The following GRIN2A variants were observed in gnomAD, a reference collection of about 807,000 sequenced individuals.
GRIN2A encodes glutamate ionotropic receptor NMDA type subunit 2A.
GRIN2A carries 22 observed loss-of-function variants against 113.4 expected under a neutral mutation model. The ratio of observed to expected loss-of-function variants is 0.19; its 90% CI spans 0.14 to 0.28. The LOEUF is 0.28. GRIN2A is among the 10% of genes least tolerant of loss of function. The probability of loss-of-function intolerance (pLI) is 1.00; values close to 1 mark genes in which losing one functional copy is unlikely to be tolerated. For synonymous variants in GRIN2A, 827 were observed against 738.4 expected (o/e 1.12, Z -1.94); for missense variants, 1,502 against 1,887.0 (o/e 0.80, Z 3.78).
intron 2 of GRIN2A, among the ~76,000 whole-genome samples, chr16:10,151,559 A>T (rs1438018502): frequency 6.6e-6 from 1 of 152,232 alleles, no homozygotes; most frequent in African/African-American, 2.4e-5. Context: ...TCTCTTTGCT[A>T]TAGGAAAACA....
intron 2 of GRIN2A, among the ~76,000 whole-genome samples, chr16:10,080,546 G>A (rs1392985277): frequency 6.6e-6 from 1 of 152,172 alleles, no homozygotes; most frequent in Admixed American, 6.5e-5. Flanking sequence ...GCTATTCTTG[G>A]AAGCCGAGCA....
rs141655430 is a variant in GRIN2A at position 9,984,197 on chromosome 16, T to A, written c.415-45646A>T. The stretch of plus-strand genomic sequence containing the variant: ...TCCATTTGCATATCTTTAAGAGATG[T>A]TTATTTAACTCATTTGCCCATTTTT... On this transcript the variant is annotated intron_variant, in intron 2 of 12. Coordinates refer to ENST00000330684, the MANE Select transcript of GRIN2A (RefSeq NM_001134407.3). Among the ~76,000 whole-genome samples, 99 of 151,026 alleles carry A rather than the reference T, an allele frequency of 6.6e-4. 1 individual carries two copies. In the East Asian group the frequency reaches 0.018, roughly 27 times the overall value.
intron 3 of GRIN2A, among the ~76,000 whole-genome samples, chr16:9,934,485 A>G (rs1388224624): frequency 2.0e-5 from 3 of 152,070 alleles, no homozygotes; most frequent in Non-Finnish European, 4.4e-5. Flanking sequence ...GTTTGAGACC[A>G]GCCTAGACAA....
At chr16:9,939,619 T>TGG (rs1182236753) in intron 2 of GRIN2A, among the ~76,000 whole-genome samples, 7 of 152,172 alleles carry the variant, frequency 4.6e-5, no homozygotes, top group Non-Finnish European at 8.8e-5. Context: ...ATCCCCATAA[T>TGG]GATCCTACAA....
At chr16:9,979,523 G>C (rs1028048123) in intron 2 of GRIN2A, among the ~76,000 whole-genome samples, 1 of 152,000 alleles carries the variant, frequency 6.6e-6, no homozygotes, top group Non-Finnish European at 1.5e-5. Context: ...GCCTTTTCTT[G>C]CTAGAGCAGG....
chr16:10,008,653 A>T (rs1255035747), intron 2 of GRIN2A, among the ~76,000 whole-genome samples: 1 of 152,204 alleles, frequency 6.6e-6, no homozygotes, highest in Non-Finnish European at 1.5e-5. Flanking sequence ...TTAGGCAGAG[A>T]TCTGTGCAAG....
At chr16:9,953,340 A>G (rs149472554) in intron 2 of GRIN2A, among the ~76,000 whole-genome samples, 19 of 152,326 alleles carry the variant, frequency 1.2e-4, no homozygotes, top group African/African-American at 4.6e-4. Context: ...TCACAATTGT[A>G]GCTCCAGCAC....
In GRIN2A at chr16:9,910,537, C is replaced by CTTTT. The variant is rs35352418; in HGVS notation, c.1008-19441_1008-19438dup. 1.7e-3 allele frequency among the ~76,000 whole-genome samples: 212 copies of CTTTT among 123,252 alleles called. 5 individuals are homozygous for CTTTT. Among genetic ancestry groups the CTTTT allele is most frequent in the African/African-American group, 4.8e-3 (154 of 32,322 alleles). 80.9% of individuals were successfully genotyped at this position (123,252 alleles called of 152,430 possible). On this transcript the variant is annotated intron_variant, in intron 3 of 12. Coordinates refer to ENST00000330684, the MANE Select transcript of GRIN2A (RefSeq NM_001134407.3). ...GAGTCTCATATGAAGTCTCAGAGTT[C>CTTTT]TTTTTTTTTTTTTTTTTTTTGAGAC...
intron 4 of GRIN2A, among the ~76,000 whole-genome samples, chr16:9,879,424 A>G (rs928015659): frequency 5.3e-5 from 8 of 152,298 alleles, no homozygotes; most frequent in African/African-American, 1.9e-4. Context: ...AATTTTTTTA[A>G]TCTATCTAAT....
Position 9,762,655 on chromosome 16 carries a change from C to T in GRIN2A, c.*494G>A, listed in dbSNP as rs888244132. On this transcript the variant is annotated 3_prime_UTR_variant, in exon 13 of 13. Coordinates refer to ENST00000330684, the MANE Select transcript of GRIN2A (RefSeq NM_001134407.3). Reference sequence around the variant, plus strand: ...AAACTTCCTAATCTCTTGCACATGTCAATCGCACTACAGTGCAGATGCATT... The same window carrying T: ...AAACTTCCTAATCTCTTGCACATGTTAATCGCACTACAGTGCAGATGCATT... 3 of 249,062 alleles carry T rather than the reference C, an allele frequency of 1.2e-5. No homozygotes were observed. Among genetic ancestry groups the T allele is most frequent in the Admixed American group, 9.9e-5 (2 of 20,192 alleles). 15.4% of individuals were successfully genotyped at this position (249,062 alleles called of 1,614,324 possible). A position where few individuals can be genotyped will look rare whatever the true frequency, so the allele number is the denominator to read the frequency against.
In GRIN2A at chr16:10,039,779, G is replaced by GGGGAGA. The variant is rs879696426; in HGVS notation, c.415-101229_415-101228insTCTCCC. 1.8e-4 allele frequency among the ~76,000 whole-genome samples: 19 copies of GGGGAGA among 103,358 alleles called. 1 individual carries two copies. Among genetic ancestry groups the GGGGAGA allele is most frequent in the Non-Finnish European group, 3.5e-4 (18 of 50,924 alleles). The allele number at this position is 103,358 out of a possible 152,430, so 67.8% of individuals were successfully genotyped here. On this transcript the variant is annotated intron_variant, in intron 2 of 12. Coordinates refer to ENST00000330684, the MANE Select transcript of GRIN2A (RefSeq NM_001134407.3). ...AAATGTGCAAGGGAGGGAGAGGGAG[G>GGGGAGA]GGGAGGGGGAGGGGGAGGGGGAGGG...
intron 2 of GRIN2A, among the ~76,000 whole-genome samples, chr16:10,165,923 C>A (rs962501820): frequency 6.6e-6 from 1 of 152,138 alleles, no homozygotes; most frequent in Non-Finnish European, 1.5e-5. Flanking sequence ...AAGGTCTTCA[C>A]CCAAGGCCTG....
chr16:10,083,419 G>A (rs1392373199), intron 2 of GRIN2A, among the ~76,000 whole-genome samples: 1 of 152,200 alleles, frequency 6.6e-6, no homozygotes, highest in Non-Finnish European at 1.5e-5. Flanking sequence ...TTTGAGTAAA[G>A]CCAGTTTGAT....
At chr16:10,094,720 G>T (rs542501660) in intron 2 of GRIN2A, among the ~76,000 whole-genome samples, 24 of 152,188 alleles carry the variant, frequency 1.6e-4, no homozygotes, top group Admixed American at 5.9e-4. Flanking sequence ...AAAGTGCTGG[G>T]ATTATAGGCA....
chr16:9,774,579 C>T (rs1323910256), intron 11 of GRIN2A, among the ~76,000 whole-genome samples: 1 of 152,168 alleles, frequency 6.6e-6, no homozygotes, highest in African/African-American at 2.4e-5. Context: ...AGGTACTATA[C>T]TAGAGTTTAA....
chr16:10,102,168 T>A (rs569235080), intron 2 of GRIN2A, among the ~76,000 whole-genome samples: 1 of 152,220 alleles, frequency 6.6e-6, no homozygotes, highest in South Asian at 2.1e-4. Flanking sequence ...CAAACTCATG[T>A]TGAAATGTCA....
At chr16:9,852,742 A>C (rs2042906332) in intron 4 of GRIN2A, among the ~76,000 whole-genome samples, 1 of 152,202 alleles carries the variant, frequency 6.6e-6, no homozygotes, top group Non-Finnish European at 1.5e-5. Flanking sequence ...TAAATCGTAT[A>C]TACCAGATAA....
intron 2 of GRIN2A, among the ~76,000 whole-genome samples, chr16:9,964,069 G>C (rs749316048): frequency 1.3e-5 from 2 of 152,202 alleles, no homozygotes; most frequent in African/African-American, 2.4e-5. Flanking sequence ...CAAATTTGGA[G>C]AGGGCTCCCA....
intron 2 of GRIN2A, among the ~76,000 whole-genome samples, chr16:9,952,338 G>A (rs2045204555): frequency 6.6e-6 from 1 of 152,164 alleles, no homozygotes; most frequent in Non-Finnish European, 1.5e-5. Context: ...GGCACAGGCT[G>A]GAAAGGTCTG....
Sources: allele counts gnomAD v4.1 joint callset (sites outside exome capture counted in the v4.1 genomes callset), GRCh38; gene constraint gnomAD v4.1.1; transcripts MANE v1.5; gene names NCBI Gene and HGNC (gene_info 2026-07-23, HGNC 2026-07-21).